The following POLR1A variants were observed in gnomAD, a reference collection of about 807,000 sequenced individuals.
POLR1A encodes the protein DNA-directed RNA polymerase I subunit RPA1.
Under a neutral mutation model 205.3 loss-of-function variants are expected in POLR1A, and 84 were observed. The ratio of observed to expected loss-of-function variants is 0.41; its 90% CI spans 0.34 to 0.49. The LOEUF (loss-of-function observed/expected upper bound fraction) is 0.49, where lower values mean the gene tolerates loss of function less well. Ranked by LOEUF, POLR1A falls within the 20% of genes least tolerant of loss-of-function variation. The pLI is 0.22. For missense variants in POLR1A, 1,645 were observed against 2,204.5 expected (o/e 0.75, Z 5.08); for synonymous variants, 799 against 863.7 (o/e 0.93, Z 1.31).
intron 27 of POLR1A, among the ~76,000 whole-genome samples, chr2:86,035,063 GT>G (rs1411345980): frequency 2.6e-5 from 4 of 152,170 alleles, no homozygotes; most frequent in African/African-American, 9.7e-5. Context: ...TAGAAACGGG[GT>G]TTCACCATGT....
At chr2:86,092,329 T>C (rs2104431040) in intron 3 of POLR1A, among the ~76,000 whole-genome samples, 1 of 152,304 alleles carries the variant, frequency 6.6e-6, no homozygotes, top group African/African-American at 2.4e-5. Flanking sequence ...TTGATTCCTT[T>C]CTGGGAGATG....
intron 33 of POLR1A, 83 bp from the exon 34 acceptor site, chr2:86,027,606 A>C: frequency 8.1e-7 from 1 of 1,231,512 alleles, no homozygotes; most frequent in Admixed American, 1.7e-5. Flanking sequence ...CTGAACACTG[A>C]AGTCTCGGGA....
In POLR1A at chr2:86,020,383, C is replaced by T. The variant is rs563462683; in HGVS notation, c.*7040G>A. 6.6e-5 allele frequency: 10 copies of T among 151,588 alleles called. No homozygotes were observed. In the East Asian group the frequency reaches 1.7e-3, roughly 26 times the overall value. 9.4% of individuals were successfully genotyped at this position (151,588 alleles called of 1,614,324 possible). A position where few individuals can be genotyped will look rare whatever the true frequency, so the allele number is the denominator to read the frequency against. On this transcript the variant is annotated 3_prime_UTR_variant, in exon 34 of 34. Transcript: ENST00000263857. Reference sequence around the variant, plus strand: ...GCAACATGGTGAAACCCCGTCTCTACAAAAAAATTAAAAAATTAGCTGGGC... The same window carrying T: ...GCAACATGGTGAAACCCCGTCTCTATAAAAAAATTAAAAAATTAGCTGGGC...
In POLR1A at chr2:86,028,702, G is replaced by A. The variant is rs1242809968; in HGVS notation, c.4789C>T (p.Leu1597=). 1.9e-6 allele frequency: 3 copies of A among 1,613,384 alleles called. No individual in the cohort carries two copies. The African/African-American group carries it at 4.0e-5, about 22-fold the overall frequency. ...ELFKYAEVLD[L]RRLYSNDIHA... ...ATGTCGTTGGAGTAGAGGCGGCGCA[G>A]ATCCAGGACCTGGAGAGAGGAAGGA... Residue 1597 remains leucine, a synonymous_variant, in exon 32 of 34, where the codon CTG becomes TTG. Coordinates refer to ENST00000263857, the MANE Select transcript of POLR1A (RefSeq NM_015425.6). This position sits in a 1 kb window ranked among gnomAD's most constrained non-coding sequence, Gnocchi z 4.5.
intron 23 of POLR1A, among the ~76,000 whole-genome samples, chr2:86,042,469 T>C (rs1672626665): frequency 6.6e-6 from 1 of 152,154 alleles, no homozygotes; most frequent in African/African-American, 2.4e-5. Context: ...GGATCCATGG[T>C]TATTTCTGGA....
At chr2:86,052,726 T>C (rs942853309) in intron 16 of POLR1A, 91 bp downstream of exon 16, 7 of 1,052,540 alleles carry the variant, frequency 6.7e-6, no homozygotes, top group Admixed American at 2.9e-5. Context: ...AAATCTTCAG[T>C]GTGGACGGCT....
chr2:86,057,433 T>C (rs887957344), intron 14 of POLR1A, among the ~76,000 whole-genome samples: 1 of 152,222 alleles, frequency 6.6e-6, no homozygotes, highest in African/African-American at 2.4e-5. Context: ...ATAGAATTAC[T>C]ATATGATGCA....
At chr2:86,103,018 G>C (rs1162373536) in intron 1 of POLR1A, among the ~76,000 whole-genome samples, 1 of 152,230 alleles carries the variant, frequency 6.6e-6, no homozygotes, top group Non-Finnish European at 1.5e-5. Flanking sequence ...CTCACTGTGT[G>C]CCAGACAGTG....
chr2:86,074,100 G>A (rs759880467), intron 12 of POLR1A, among the ~76,000 whole-genome samples: 2 of 152,208 alleles, frequency 1.3e-5, no homozygotes, highest in Admixed American at 6.5e-5. Context: ...CAGGACGGCG[G>A]TGAGAACGAG....
intron 19 of POLR1A, 23 bp from the exon 20 acceptor site, chr2:86,045,792 G>C (rs1286554723): frequency 6.3e-7 from 1 of 1,595,706 alleles, no homozygotes. Context: ...AAATCCACAG[G>C]AAACTGAAGA....
At chr2:86,055,294 C>CAAAAAAAAAAAAAAA (rs1265267243) in intron 14 of POLR1A, among the ~76,000 whole-genome samples, 19 of 150,918 alleles carry the variant, frequency 1.3e-4, no homozygotes, top group East Asian at 8.1e-4. Context: ...AACTCTGTCT[C>CAAAAAAAAAAAAAAA]AAGAAAAAAA....
Position 86,024,273 on chromosome 2 carries a change from T to C in POLR1A, c.*3150A>G, listed in dbSNP as rs1573796129. The C allele has an allele frequency of 1.5e-5, 3 of 206,634 alleles. No homozygotes were observed. Among genetic ancestry groups the C allele is most frequent in the Admixed American group, 1.2e-4 (3 of 24,878 alleles). The allele number at this position is 206,634 out of a possible 1,614,324, so 12.8% of individuals were successfully genotyped here. A position where few individuals can be genotyped will look rare whatever the true frequency, so the allele number is the denominator to read the frequency against. ...ATAAGCCGGTCACAAAAAGACATGC[T>C]GTACTTTTCCACTTGTATGAGGGAC... is the stretch of plus-strand genomic sequence containing the variant. On this transcript the variant is annotated 3_prime_UTR_variant, in exon 34 of 34. Coordinates refer to ENST00000263857, the MANE Select transcript of POLR1A (RefSeq NM_015425.6).
rs528927556 is a variant in POLR1A at position 86,043,167 on chromosome 2, T to C, written c.3164A>G (p.Glu1055Gly). The change falls in exon 23 of 34, where the codon GAA (glutamate) becomes GGA (glycine). Residue 1055 changes from glutamate to glycine, a missense_variant. By Grantham distance (98) the Glu-to-Gly change is moderately conservative. This residue lies in a region of POLR1A where 201 missense variants were observed against 222.3 expected (regional missense o/e 0.90). Coordinates refer to ENST00000263857, the MANE Select transcript of POLR1A (RefSeq NM_015425.6). ...EVIMKSQHLH[E>G]VLSRADPKKA... Reference sequence around the variant, plus strand: ...TTTGGGATCTGCTCTGGATAAAACTTCATGGAGATGCTGTGATTTCATTAT... The same window carrying C: ...TTTGGGATCTGCTCTGGATAAAACTCCATGGAGATGCTGTGATTTCATTAT... 15 of 1,613,642 alleles carry C rather than the reference T, an allele frequency of 9.3e-6. No individual in the cohort carries two copies. The South Asian group carries it at 1.4e-4, about 15-fold the overall frequency.
At chr2:86,041,190 T>TGTGTGTGTGC (rs1212728761) in intron 24 of POLR1A, among the ~76,000 whole-genome samples, 1 of 41,926 alleles carries the variant, frequency 2.4e-5, no homozygotes, top group Non-Finnish European at 6.8e-5. Context: ...TGTGTGTGTG[T>TGTGTGTGTGC]GCGCGCTGAG....
In POLR1A at chr2:86,027,383, A is replaced by C. The variant is rs745867008; in HGVS notation, c.*40T>G. On this transcript the variant is annotated 3_prime_UTR_variant, in exon 34 of 34. Transcript: ENST00000263857. ...AGGCAGGCTGGGCCACGCCCTCACC[A>C]AGGGTCCTTGGAGCTGGGCAGATGG... 1 of 1,537,868 alleles carries C rather than the reference A, an allele frequency of 6.5e-7. No individual in the cohort carries two copies. The highest frequency in any genetic ancestry group is 1.7e-5 in the Admixed American group (1 of 59,930).
At chr2:86,047,008 T>C (rs1252488296) in intron 19 of POLR1A, among the ~76,000 whole-genome samples, 157 bp downstream of exon 19, 1 of 152,230 alleles carries the variant, frequency 6.6e-6, no homozygotes, top group African/African-American at 2.4e-5. Context: ...CCTTTAACAT[T>C]GGCATGTTAA....
At chr2:86,039,023 C>T in intron 26 of POLR1A, 166 bp from the exon 27 acceptor site, 1 of 683,946 alleles carries the variant, frequency 1.5e-6, no homozygotes, top group South Asian at 1.9e-5. Context: ...TGCTGGGGGG[C>T]CCACAGCCTG....
chr2:86,070,702 C>T lies in POLR1A; in HGVS notation c.1612-430G>A, dbSNP rs1026566931. Among the ~76,000 whole-genome samples the T allele has an allele frequency of 2.7e-5, 3 of 111,390 alleles. No individual in the cohort carries two copies. Among genetic ancestry groups the T allele is most frequent in the African/African-American group, 1.1e-4 (3 of 28,110 alleles). 73.1% of individuals were successfully genotyped at this position (111,390 alleles called of 152,430 possible). On this transcript the variant is annotated intron_variant, in intron 12 of 33. Coordinates refer to ENST00000263857, the MANE Select transcript of POLR1A (RefSeq NM_015425.6). This position sits in a 1 kb window ranked among gnomAD's most constrained non-coding sequence, Gnocchi z 4.4. ...CATTGGCAGACTTTCGAATCCCCCC[C>T]CCGCCGTGATCACATGTGAGTACAT... is the stretch of plus-strand genomic sequence containing the variant.
At chr2:86,075,317 G>A (rs1427637985) in intron 11 of POLR1A, 57 bp from the exon 12 acceptor site, 9 of 1,248,664 alleles carry the variant, frequency 7.2e-6, no homozygotes, top group Non-Finnish European at 1.0e-5. Flanking sequence ...AGGTCTGATG[G>A]ACCCCAAATC....
Sources: allele counts gnomAD v4.1 joint callset (sites outside exome capture counted in the v4.1 genomes callset), GRCh38; gene constraint gnomAD v4.1.1; regional missense constraint gnomAD v4.1.1; non-coding constraint Gnocchi (gnomAD v3.1); transcripts MANE v1.5; gene names NCBI Gene and HGNC (gene_info 2026-07-23, HGNC 2026-07-21).